ABCA7: variants seen among roughly 807,000 people sequenced by gnomAD.
ABCA7 encodes the protein phospholipid-transporting ATPase ABCA7.
ABCA7 carries 261 observed loss-of-function variants against 227.6 expected under a neutral mutation model. The observed-to-expected ratio is 1.15, with a 90% confidence interval of 1.04 to 1.27. The LOEUF is 1.27. Among genes scored for constraint, ABCA7 ranks in the 50% most tolerant of loss-of-function variants. The pLI is 0.00. For synonymous variants in ABCA7, 1,488 were observed against 1,279.7 expected, an observed-to-expected ratio of 1.16 and a Z score of -3.47; for missense variants, 3,331 against 2,924.5, an observed-to-expected ratio of 1.14 and a Z score of -3.21.
Position 1,044,972 on chromosome 19 carries a change from G to A in ABCA7, c.1216-30G>A, listed in dbSNP as rs759332354. On this transcript the variant is annotated intron_variant, in intron 11 of 46. Coordinates refer to ENST00000263094, the MANE Select transcript of ABCA7 (RefSeq NM_019112.4). ...TGGTCTAGGAGGCAGGCGGACCCCA[G>A]CGCCTAGGACTCACCCCCGCATCCC... 6.8e-6 allele frequency: 11 copies of A among 1,606,944 alleles called. 1 individual carries two copies. In the African/African-American group the frequency reaches 8.0e-5, roughly 12 times the overall value.
chr19:1,047,175 T>G lies in ABCA7; in HGVS notation c.1864T>G (p.Tyr622Asp), dbSNP rs1485745044. The G allele has an allele frequency of 6.2e-7, 1 of 1,604,370 alleles. No homozygotes were observed. Among genetic ancestry groups the G allele is most frequent in the South Asian group, 1.1e-5 (1 of 90,168 alleles). Residue 622 changes from tyrosine to aspartate, a missense_variant, in exon 15 of 47, where the codon TAC becomes GAC. Coordinates refer to ENST00000263094, the MANE Select transcript of ABCA7 (RefSeq NM_019112.4). ...LVLKLGDILP[Y>D]SHPGVVFLFL... ...CTCACAGCTGGGAGACATCCTCCCC[T>G]ACAGCCACCCGGGCGTGGTCTTCCT...
chr19:1,062,940 A>G (rs2042764385), intron 42 of ABCA7, among the ~76,000 whole-genome samples: 2 of 106,332 alleles, frequency 1.9e-5, no homozygotes, highest in Non-Finnish European at 3.9e-5. Context: ...GGCTCCACCC[A>G]CACCATGGCC....
chr19:1,053,793 C>T lies in ABCA7; in HGVS notation c.3429C>T (p.Phe1143=). The change falls in exon 25 of 47, where the codon TTC becomes TTT. Residue 1143 remains phenylalanine, a synonymous_variant. Transcript: ENST00000263094. The part of the protein sequence containing the change: ...GISDTSLEEI[F]LKVVEECAAD... ...GCCCCTGCTTGTCTCCCCAGATCTT[C>T]CTGAAGGTGGTGGAGGAGTGTGCTG... 6.2e-7 allele frequency: 1 copy of T among 1,612,124 alleles called. No homozygotes were observed. Among genetic ancestry groups the T allele is most frequent in the Non-Finnish European group, 8.5e-7 (1 of 1,178,852 alleles).
chr19:1,041,991 G>T lies in ABCA7; in HGVS notation c.302+19G>T. On this transcript the variant is annotated intron_variant, in intron 4 of 46. Coordinates refer to ENST00000263094, the MANE Select transcript of ABCA7 (RefSeq NM_019112.4). Reference sequence around the variant, plus strand: ...ACTCCCTGTGAGCCAGAGGCAGTGGGTGCGGCCGGCCTGCAAACTCGGGGC... The same window carrying T: ...ACTCCCTGTGAGCCAGAGGCAGTGGTTGCGGCCGGCCTGCAAACTCGGGGC... 1 of 1,577,402 alleles carries T rather than the reference G, an allele frequency of 6.3e-7. No homozygotes were observed.
Position 1,041,378 on chromosome 19 carries a change from A to C in ABCA7, c.17A>C (p.Gln6Pro), listed in dbSNP as rs756961782. The change falls in exon 2 of 47, where the codon CAG becomes CCG. Residue 6 changes from glutamine to proline, a missense_variant. Coordinates refer to ENST00000263094, the MANE Select transcript of ABCA7 (RefSeq NM_019112.4). MAFWT[Q>P]LMLLLWKNFM... ...AGTCTCACCATGGCCTTCTGGACAC[A>C]GCTGATGCTGCTGCTCTGGAAGAAT... 1.9e-6 allele frequency: 3 copies of C among 1,614,022 alleles called. No individual in the cohort carries two copies. Among genetic ancestry groups the C allele is most frequent in the Non-Finnish European group, 2.5e-6 (3 of 1,180,018 alleles).
chr19:1,054,221 C>T lies in ABCA7; in HGVS notation c.3606C>T (p.Gly1202=), dbSNP rs1156270476. 1.9e-6 allele frequency: 3 copies of T among 1,608,560 alleles called. No individual in the cohort carries two copies. The highest frequency in any genetic ancestry group is 2.5e-6 in the Non-Finnish European group (3 of 1,177,098). ...GGTCAGCCCCAGAGACTGACCAGGG[C>T]TCTGGGCCAGACGCCGTGGGCCGGG... The part of the protein sequence containing the change: ...PAGSAPETDQ[G]SGPDAVGRVQ... The change falls in exon 27 of 47, where the codon GGC becomes GGT. Residue 1202 remains glycine, a synonymous_variant. Coordinates refer to ENST00000263094, the MANE Select transcript of ABCA7 (RefSeq NM_019112.4). The surrounding 1 kb of genome is among the most constrained non-coding windows in gnomAD (Gnocchi z 4.8).
chr19:1,057,002 G>A lies in ABCA7; in HGVS notation c.4682G>A (p.Arg1561Gln), dbSNP rs1328373039. 9.9e-6 allele frequency: 16 copies of A among 1,613,766 alleles called. No individual in the cohort carries two copies. Among genetic ancestry groups the A allele is most frequent in the Non-Finnish European group, 1.2e-5 (14 of 1,180,020 alleles). ...ASFTLVLIEE[R>Q]VTRAKHLQLM... is the part of the protein sequence containing the mutation. ...TTCACTCTTGTCCTCATTGAGGAGC[G>A]AGTCACCCGAGCCAAGCACCTGCAG... Residue 1561 changes from arginine (R) to glutamine (Q), a missense_variant, in exon 34 of 47, where the codon CGA (arginine) becomes CAA (glutamine). Physicochemically the swap from Arg to Gln is conservative, Grantham distance 43. Coordinates refer to ENST00000263094, the MANE Select transcript of ABCA7 (RefSeq NM_019112.4).
chr19:1,054,909 C>T lies in ABCA7; in HGVS notation c.3950+31C>T. ...GCGTCTTGTTGGCCTGGACCTTTCCCCTCTCTGGCCTCAGTTTTCCCATCT... is the reference window on the plus strand; with the variant it reads ...GCGTCTTGTTGGCCTGGACCTTTCCTCTCTCTGGCCTCAGTTTTCCCATCT... On this transcript the variant is annotated intron_variant, in intron 29 of 46. Transcript: ENST00000263094. This position sits in a 1 kb window ranked among gnomAD's most constrained non-coding sequence, Gnocchi z 4.8. The T allele has an allele frequency of 6.5e-7, 1 of 1,547,264 alleles. No homozygotes were observed. Among genetic ancestry groups the T allele is most frequent in the Non-Finnish European group, 8.8e-7 (1 of 1,141,904 alleles).
rs1442583982 is a variant in ABCA7, at chr19:1,065,405, A to G, written c.6421A>G (p.Thr2141Ala). ...RVSQFLDDPS[T>A]AETVL ...CAGCCAGTTCCTCGATGACCCTAGC[A>G]CTGCCGAGACTGTGCTCTGAGCCTC... is the stretch of plus-strand genomic sequence containing the variant. The change falls in exon 47 of 47, where the codon ACT (threonine) becomes GCT (alanine). Residue 2141 changes from threonine (T) to alanine (A), a missense_variant. By Grantham distance (58) the Thr-to-Ala change is moderately conservative (BLOSUM62 0). Coordinates refer to ENST00000263094, the MANE Select transcript of ABCA7 (RefSeq NM_019112.4). 1 of 1,613,350 alleles carries G rather than the reference A, an allele frequency of 6.2e-7. No homozygotes were observed. The highest frequency in any genetic ancestry group is 1.1e-5 in the South Asian group (1 of 91,080).
At chr19:1,046,002 G>T (rs947456670) in intron 12 of ABCA7, among the ~76,000 whole-genome samples, 2 of 152,190 alleles carry the variant, frequency 1.3e-5, no homozygotes, top group African/African-American at 4.8e-5. Flanking sequence ...GCGAGACTCC[G>T]TCTCAAACAA....
chr19:1,053,589 G>C (rs1044728395), intron 24 of ABCA7, 58 bp downstream of exon 24: 1 of 1,540,248 alleles, frequency 6.5e-7, no homozygotes, highest in Admixed American at 1.9e-5. Flanking sequence ...TGGAGGAGGT[G>C]GTGTTTTGAA....
chr19:1,041,462 C>A (rs1268293617), intron 2 of ABCA7, 35 bp downstream of exon 2: 1 of 1,613,620 alleles, frequency 6.2e-7, no homozygotes, highest in Non-Finnish European at 8.5e-7. Flanking sequence ...GCCGGGTGGG[C>A]AGGCAGCCCC....
Position 1,046,311 on chromosome 19 carries a change from G to C in ABCA7, c.1527G>C (p.Leu509=), listed in dbSNP as rs779681803. ...VWGGFVYLQD[L]VERAAVRVLS... is the part of the protein sequence containing the mutation. ...GCGGCTTCGTGTACCTGCAAGACCTGGTGGAGCGTGCAGCCGTCCGCGTGC... is the reference window on the plus strand; with the variant it reads ...GCGGCTTCGTGTACCTGCAAGACCTCGTGGAGCGTGCAGCCGTCCGCGTGC... The change falls in exon 13 of 47, where the codon CTG becomes CTC. Residue 509 remains leucine (L), a synonymous_variant. Transcript: ENST00000263094. 2.5e-6 allele frequency: 4 copies of C among 1,605,028 alleles called. No individual in the cohort carries two copies. The highest frequency in any genetic ancestry group is 3.4e-6 in the Non-Finnish European group (4 of 1,179,624).
chr19:1,057,057 C>G lies in ABCA7; in HGVS notation c.4737C>G (p.Tyr1579Ter), dbSNP rs148266574. 6.6e-5 allele frequency: 107 copies of G among 1,613,272 alleles called. No homozygotes were observed. The highest frequency in any genetic ancestry group is 8.7e-5 in the Non-Finnish European group (103 of 1,179,890). Residue 1579 changes from tyrosine to a stop codon, truncating the protein, a stop_gained, in exon 34 of 47, where the codon TAC becomes TAG. Coordinates refer to ENST00000263094, the MANE Select transcript of ABCA7 (RefSeq NM_019112.4). LOFTEE classifies it high-confidence loss of function. Reference protein sequence around the residue: ...QLMGGLSPTLYWLGNFLWDMC... With the variant: ...QLMGGLSPTL The stretch of plus-strand genomic sequence containing the variant: ...TGGGGGGCCTGTCCCCCACCCTCTA[C>G]TGGCTTGGCAACTTTCTCTGGGACA...
In ABCA7 at chr19:1,057,056, A is replaced by G; in HGVS notation, c.4736A>G (p.Tyr1579Cys). 1 of 1,612,954 alleles carries G rather than the reference A, an allele frequency of 6.2e-7. No homozygotes were observed. Among genetic ancestry groups the G allele is most frequent in the Non-Finnish European group, 8.5e-7 (1 of 1,179,786 alleles). The change falls in exon 34 of 47, where the codon TAC becomes TGC. Residue 1579 changes from tyrosine to cysteine, a missense_variant. Physicochemically the swap from Tyr to Cys is radical, Grantham distance 194. Transcript: ENST00000263094. ...ATGGGGGGCCTGTCCCCCACCCTCT[A>G]CTGGCTTGGCAACTTTCTCTGGGAC... is the stretch of plus-strand genomic sequence containing the variant. ...QLMGGLSPTL[Y>C]WLGNFLWDMC...
Position 1,043,138 on chromosome 19 carries a change from G to GT in ABCA7, c.678dup (p.Val227CysfsTer5), listed in dbSNP as rs777711191. ...GAGTTGCTGTCAGAGGCCCTCTGCA[G>GT]TGTCAGGGGACCTAGCAGCACAGTG... On this transcript the variant is annotated frameshift_variant, in exon 8 of 47. Coordinates refer to ENST00000263094, the MANE Select transcript of ABCA7 (RefSeq NM_019112.4). LOFTEE classifies it high-confidence loss of function. 7 of 1,612,456 alleles carry GT rather than the reference G, an allele frequency of 4.3e-6. No individual in the cohort carries two copies. In the African/African-American group the frequency reaches 8.0e-5, roughly 18 times the overall value.
chr19:1,061,900 C>G lies in ABCA7; in HGVS notation c.5570+12C>G. The G allele has an allele frequency of 6.4e-7, 1 of 1,571,298 alleles. No homozygotes were observed. The highest frequency in any genetic ancestry group is 8.6e-7 in the Non-Finnish European group (1 of 1,162,152). On this transcript the variant is annotated intron_variant, in intron 41 of 46. Transcript: ENST00000263094. ...CTGGCAGGCCACAGGTGAGGGGTGC[C>G]AGGTAGGGTCAGGGTGGGGCAGGGT...
At position 1,045,031 on chromosome 19, in the gene ABCA7, A is replaced by C; in HGVS notation, c.1245A>C (p.Ala415=). Reference sequence around the variant, plus strand: ...TGTCCTTGGACAAGCTGGAGGCGGCACCCTCAGAGGCAGCCCTGGTGTCGC... The same window carrying C: ...TGTCCTTGGACAAGCTGGAGGCGGCCCCCTCAGAGGCAGCCCTGGTGTCGC... The part of the protein sequence containing the change: ...ECLSLDKLEA[A]PSEAALVSRA... The change falls in exon 12 of 47, where the codon GCA becomes GCC. Residue 415 remains alanine, a synonymous_variant. Transcript: ENST00000263094. 6.2e-7 allele frequency: 1 copy of C among 1,612,666 alleles called. No homozygotes were observed. Among genetic ancestry groups the C allele is most frequent in the Non-Finnish European group, 8.5e-7 (1 of 1,179,934 alleles).
At chr19:1,059,951 G>A (rs937812527) in intron 40 of ABCA7, among the ~76,000 whole-genome samples, 1 of 152,168 alleles carries the variant, frequency 6.6e-6, no homozygotes, top group Non-Finnish European at 1.5e-5. Context: ...CTAAAGAGGT[G>A]TACTGAATAC....
Sources: gnomAD v4.1 joint callset for allele counts (sites outside exome capture counted in the v4.1 genomes callset) on GRCh38, gnomAD v4.1.1 for gene constraint, Gnocchi (gnomAD v3.1) non-coding constraint, MANE v1.5 for transcripts, NCBI Gene and HGNC (gene_info 2026-07-23, HGNC 2026-07-21) for gene names.